Variants in IL7 observed in about 807,000 individuals in gnomAD.
IL7 encodes interleukin 7.
Under a neutral mutation model 21.6 loss-of-function variants are expected in IL7, and 3 were observed. The ratio of observed to expected loss-of-function variants is 0.14; its 90% CI spans 0.06 to 0.36. The LOEUF (loss-of-function observed/expected upper bound fraction) is 0.36. IL7 is among the 10% of genes least tolerant of loss of function. The probability of loss-of-function intolerance (pLI) is 1.00; values close to 1 mark genes in which losing one functional copy is unlikely to be tolerated. For missense variants in IL7, 175 were observed against 200.2 expected (o/e 0.87, Z 0.76); for synonymous variants, 62 against 68.1 (o/e 0.91, Z 0.44).
chr8:78,697,722 A>G (rs1439267641), intron 3 of IL7, among the ~76,000 whole-genome samples: 1 of 146,128 alleles, frequency 6.8e-6, no homozygotes, highest in East Asian at 2.0e-4. Flanking sequence ...TCTGTTGCCC[A>G]GGTTTGAGTG....
chr8:78,772,531 G>A (rs1812993021), intron 2 of IL7, among the ~76,000 whole-genome samples: 1 of 152,106 alleles, frequency 6.6e-6, no homozygotes, highest in African/African-American at 2.4e-5. Context: ...ACCTGAACTT[G>A]ACCTTAAATG....
At chr8:78,692,981 G>A (rs1158003846) in intron 3 of IL7, among the ~76,000 whole-genome samples, 1 of 152,000 alleles carries the variant, frequency 6.6e-6, no homozygotes, top group Non-Finnish European at 1.5e-5. Context: ...AACATGCGGT[G>A]TTTGGTTTTT....
intron 3 of IL7, chr8:78,698,645 C>A: frequency 1.7e-6 from 1 of 586,890 alleles, no homozygotes; most frequent in Non-Finnish European, 2.7e-6. Context: ...TTTTGCTGGT[C>A]AGGAGCACAC....
rs560545871 is a variant in IL7 at position 78,804,954 on chromosome 8, C to G, written c.-32G>C. 5.0e-6 allele frequency: 8 copies of G among 1,609,424 alleles called. No homozygotes were observed. In the East Asian group the frequency reaches 1.8e-4, roughly 36 times the overall value. ...CGGGAGGCGGGCGTAGTCATGATGA[C>G]CGCAACTGGAGCAGGAGCAAGCTCT... On this transcript the variant is annotated 5_prime_UTR_variant, in exon 1 of 6. Coordinates refer to ENST00000263851, the MANE Select transcript of IL7 (RefSeq NM_000880.4).
intron 4 of IL7, among the ~76,000 whole-genome samples, 153 bp from the exon 5 acceptor site, chr8:78,736,680 A>G (rs1811607477): frequency 6.6e-6 from 1 of 152,164 alleles, no homozygotes; most frequent in Non-Finnish European, 1.5e-5. Flanking sequence ...AAATATTAAT[A>G]TGATTTAGAA....
At chr8:78,681,272 G>A (rs1809768268) in intron 4 of IL7, among the ~76,000 whole-genome samples, 1 of 152,020 alleles carries the variant, frequency 6.6e-6, no homozygotes, top group Non-Finnish European at 1.5e-5. Flanking sequence ...CTGAATAGTA[G>A]AAATGAATAA....
intron 2 of IL7, among the ~76,000 whole-genome samples, chr8:78,768,943 A>G (rs1254931215): frequency 6.6e-6 from 1 of 152,194 alleles, no homozygotes; most frequent in Non-Finnish European, 1.5e-5. Flanking sequence ...CCACATGATT[A>G]TCTCAATAGA....
At chr8:78,698,486 A>G in intron 3 of IL7, 2 of 1,611,732 alleles carry the variant, frequency 1.2e-6, no homozygotes, top group Non-Finnish European at 1.7e-6. Flanking sequence ...TCTCCCTCTC[A>G]TAAAGGGATA....
intron 3 of IL7, among the ~76,000 whole-genome samples, chr8:78,702,834 T>C (rs184551051): frequency 1.3e-5 from 2 of 152,220 alleles, no homozygotes; most frequent in African/African-American, 2.4e-5. Flanking sequence ...ATATTTGTTA[T>C]GATTTCAGTT....
At chr8:78,800,874 T>A (rs953954217) in intron 1 of IL7, among the ~76,000 whole-genome samples, 13 of 152,214 alleles carry the variant, frequency 8.5e-5, no homozygotes, top group African/African-American at 2.7e-4. Flanking sequence ...TTTACCATTA[T>A]CATAAATATT....
At chr8:78,803,271 C>T (rs1814153791) in intron 1 of IL7, among the ~76,000 whole-genome samples, 1 of 152,052 alleles carries the variant, frequency 6.6e-6, no homozygotes, top group East Asian at 1.9e-4. Flanking sequence ...TCAAGCAATC[C>T]TCCTGCCTCA....
At chr8:78,788,943 A>G (rs1216467126) in intron 2 of IL7, among the ~76,000 whole-genome samples, 1 of 152,094 alleles carries the variant, frequency 6.6e-6, no homozygotes, top group African/African-American at 2.4e-5. Flanking sequence ...GTCTTCTTGG[A>G]TAATTGGCCC....
At chr8:78,796,095 A>G (rs1379676976) in intron 2 of IL7, among the ~76,000 whole-genome samples, 2 of 152,172 alleles carry the variant, frequency 1.3e-5, no homozygotes, top group African/African-American at 2.4e-5. Flanking sequence ...CAATAAATCA[A>G]TCACATTGTA....
intron 2 of IL7, among the ~76,000 whole-genome samples, chr8:78,782,394 G>C (rs762645178): frequency 1.3e-5 from 2 of 152,138 alleles, no homozygotes; most frequent in Non-Finnish European, 2.9e-5. Context: ...TGGGGTTTCT[G>C]TGGGTGCCTT....
chr8:78,744,719 C>T (rs1811919003), intron 2 of IL7, among the ~76,000 whole-genome samples: 1 of 152,222 alleles, frequency 6.6e-6, no homozygotes, highest in South Asian at 2.1e-4. Flanking sequence ...GGAATATCTA[C>T]AGTTCCTGGT....
chr8:78,707,318 G>A (rs969661400), intron 3 of IL7, among the ~76,000 whole-genome samples: 10 of 152,200 alleles, frequency 6.6e-5, no homozygotes, highest in Middle Eastern at 3.2e-3. Flanking sequence ...TAGATAGGAC[G>A]TGTAAAGCTG....
rs117554445 is a variant in IL7, at chr8:78,805,102, A to C, written c.-180T>G. 3,504 of 603,934 alleles carry C rather than the reference A, an allele frequency of 5.8e-3. 24 individuals are homozygous for C. Among genetic ancestry groups the C allele is most frequent in the Non-Finnish European group, 8.2e-3 (2,814 of 341,332 alleles). The allele number at this position is 603,934 out of a possible 1,614,324, so 37.4% of individuals were successfully genotyped here. A position where few individuals can be genotyped will look rare whatever the true frequency, so the allele number is the denominator to read the frequency against. ...CCGCGACTGCAGTTTCATCCATCCC[A>C]AGGGGGGCGGCACACACTACGGCGT... On this transcript the variant is annotated 5_prime_UTR_variant, in exon 1 of 6. Coordinates refer to ENST00000263851, the MANE Select transcript of IL7 (RefSeq NM_000880.4).
chr8:78,763,458 A>G (rs1041936561), intron 2 of IL7, among the ~76,000 whole-genome samples: 5 of 152,216 alleles, frequency 3.3e-5, no homozygotes, highest in African/African-American at 1.2e-4. Flanking sequence ...GATTGGTATT[A>G]AGTGAAAATT....
intron 2 of IL7, among the ~76,000 whole-genome samples, chr8:78,767,146 A>G (rs189803522): frequency 6.6e-6 from 1 of 152,000 alleles, no homozygotes; most frequent in Non-Finnish European, 1.5e-5. Flanking sequence ...TGATAATTTT[A>G]TATAAGGGAT....
Sources: gnomAD v4.1 joint callset for allele counts (sites outside exome capture counted in the v4.1 genomes callset) on GRCh38, gnomAD v4.1.1 for gene constraint, MANE v1.5 for transcripts, NCBI Gene and HGNC (gene_info 2026-07-23, HGNC 2026-07-21) for gene names.